Variants in SYCP2L observed in about 807,000 individuals in gnomAD.
SYCP2L encodes the protein synaptonemal complex protein 2-like.
In SYCP2L, 98 loss-of-function variants were observed where a neutral mutation model predicts 125.8. That is an observed-to-expected ratio of 0.78 (90% confidence interval 0.66 to 0.92). SYCP2L has a LOEUF of 0.92. Ranked by LOEUF, SYCP2L falls within the 40% of genes least tolerant of loss-of-function variation. The pLI, the probability that SYCP2L is intolerant of heterozygous loss-of-function variation, is 0.00. For missense variants in SYCP2L, 842 were observed against 936.4 expected (o/e 0.90, Z 1.32); for synonymous variants, 317 against 325.4 (o/e 0.97, Z 0.28).
At chr6:10,911,192 A>G (rs1243441286) in intron 12 of SYCP2L, among the ~76,000 whole-genome samples, 1 of 152,128 alleles carries the variant, frequency 6.6e-6, no homozygotes, top group East Asian at 1.9e-4. Flanking sequence ...AGACTGGGGT[A>G]AAAAGGATGA....
chr6:10,967,847 G>C (rs1781707383), intron 29 of SYCP2L, among the ~76,000 whole-genome samples: 2 of 152,114 alleles, frequency 1.3e-5, no homozygotes, highest in Admixed American at 1.3e-4. Context: ...GCCCTTTTGA[G>C]GTTTGTAATG....
chr6:10,960,610 G>C (rs1781577220), intron 26 of SYCP2L, among the ~76,000 whole-genome samples: 1 of 152,200 alleles, frequency 6.6e-6, no homozygotes, highest in African/African-American at 2.4e-5. Flanking sequence ...TGTGGGAAAA[G>C]AGTGTATTAG....
chr6:10,907,353 CAA>C (rs59459507), intron 9 of SYCP2L, among the ~76,000 whole-genome samples, 187 bp from the exon 10 acceptor site: 2 of 139,056 alleles, frequency 1.4e-5, no homozygotes, highest in African/African-American at 2.6e-5. Flanking sequence ...GAGACAATCT[CAA>C]AAAAAAAAAA....
intron 29 of SYCP2L, among the ~76,000 whole-genome samples, chr6:10,966,633 T>G: frequency 6.6e-6 from 1 of 152,310 alleles, no homozygotes; most frequent in South Asian, 2.1e-4. Context: ...AAAAGTAGAT[T>G]GAACATGATT....
At position 10,930,486 on chromosome 6, in the gene SYCP2L, G is replaced by C; in HGVS notation, c.1605G>C (p.Lys535Asn). 1 of 1,612,884 alleles carries C rather than the reference G, an allele frequency of 6.2e-7. No individual in the cohort carries two copies. The highest frequency in any genetic ancestry group is 1.3e-5 in the African/African-American group (1 of 75,008). The change falls in exon 19 of 30, where the codon AAG (lysine) becomes AAC (asparagine). Residue 535 changes from lysine to asparagine, a missense_variant. By Grantham distance (94) the Lys-to-Asn change is moderately conservative (BLOSUM62 0). Coordinates refer to ENST00000283141, the MANE Select transcript of SYCP2L (RefSeq NM_001040274.3). ...CCCTAAAATCATATTCCAGTAGAAA[G>C]AAGACAAGAACCAGAAGTAATTTGA... is the stretch of plus-strand genomic sequence containing the variant. ...KKSLKSYSSR[K>N]KTRTRSNLRI...
chr6:10,951,845 T>C (rs774477339), intron 23 of SYCP2L, among the ~76,000 whole-genome samples: 1 of 152,224 alleles, frequency 6.6e-6, no homozygotes, highest in South Asian at 2.1e-4. Context: ...CATTAAACAT[T>C]GTTTTTAACA....
chr6:10,892,887 A>G (rs946351), intron 2 of SYCP2L, among the ~76,000 whole-genome samples: 30,690 of 152,120 alleles, frequency 0.2, 3,172 homozygotes, highest in East Asian at 0.34. Flanking sequence ...TGTGGGCTGT[A>G]TATAGTAAAT....
intron 29 of SYCP2L, among the ~76,000 whole-genome samples, chr6:10,973,017 A>T (rs1275169526): frequency 6.6e-6 from 1 of 152,226 alleles, no homozygotes; most frequent in East Asian, 1.9e-4. Context: ...TAATAAGGAA[A>T]CAGGGGAGAA....
Position 10,926,424 on chromosome 6 carries a change from G to C in SYCP2L, c.1304G>C (p.Arg435Thr), listed in dbSNP as rs748789537. The C allele has an allele frequency of 6.2e-7, 1 of 1,611,170 alleles. No individual in the cohort carries two copies. ...AGGGAGAGTCCCAGTGGCCTTGAAA[G>C]AGAAACAGGTATATTGGGAAATAAC... ...EDRESPSGLE[R>T]ETEQAEESTN... The change falls in exon 16 of 30, where the codon AGA becomes ACA. Residue 435 changes from arginine to threonine, a missense_variant. Transcript: ENST00000283141.
At chr6:10,949,853 A>G (rs186186568) in intron 23 of SYCP2L, among the ~76,000 whole-genome samples, 102 of 151,982 alleles carry the variant, frequency 6.7e-4, no homozygotes, top group African/African-American at 2.3e-3. Flanking sequence ...AATAGGAGCA[A>G]TTAATCCATT....
chr6:10,938,148 A>G (rs1237068409), intron 21 of SYCP2L, among the ~76,000 whole-genome samples: 4 of 152,198 alleles, frequency 2.6e-5, no homozygotes, highest in Non-Finnish European at 5.9e-5. Context: ...ATGAACGTAT[A>G]TGTAAAAACC....
At position 10,939,888 on chromosome 6, in the gene SYCP2L, A is replaced by G. The variant is rs77395805; in HGVS notation, c.1814-2571A>G. On this transcript the variant is annotated intron_variant, in intron 21 of 29. Transcript: ENST00000283141. Reference sequence around the variant, plus strand: ...AATCTTGTGCACAGCAAAGAAAGCAATCAATCAAATGGAAAGACAACCTAA... The same window carrying G: ...AATCTTGTGCACAGCAAAGAAAGCAGTCAATCAAATGGAAAGACAACCTAA... Among the ~76,000 whole-genome samples the G allele has an allele frequency of 7.3e-3, 1,118 of 152,332 alleles. 38 individuals carry two copies. The highest frequency in any genetic ancestry group is 0.055 in the Admixed American group (846 of 15,294).
chr6:10,971,959 A>T (rs961982694), intron 29 of SYCP2L, among the ~76,000 whole-genome samples: 1 of 152,194 alleles, frequency 6.6e-6, no homozygotes, highest in Non-Finnish European at 1.5e-5. Context: ...TACAGGCATA[A>T]GCCACTGCGC....
Position 10,969,565 on chromosome 6 carries a change from C to T in SYCP2L, c.*38-4387C>T, listed in dbSNP as rs553195971. Among the ~76,000 whole-genome samples, 21 of 151,812 alleles carry T rather than the reference C, an allele frequency of 1.4e-4. No individual in the cohort carries two copies. The South Asian group carries it at 2.7e-3, about 20-fold the overall frequency. ...ATTTTTAGTAGAGACGGGGTTTCAC[C>T]GTTTTAGCCAGGATGGTCTCGATCT... is the stretch of plus-strand genomic sequence containing the variant. On this transcript the variant is annotated intron_variant, in intron 29 of 29. Transcript: ENST00000283141.
chr6:10,917,827 T>G lies in SYCP2L; in HGVS notation c.1072+4900T>G, dbSNP rs113165446. ...TTAGAGCTCCTTTTAGCAGTTCTTG[T>G]AGTGGTGGCTTGGTAGTGGCAAATT... On this transcript the variant is annotated intron_variant, in intron 14 of 29. Transcript: ENST00000283141. Among the ~76,000 whole-genome samples, 376 of 152,320 alleles carry G rather than the reference T, an allele frequency of 2.5e-3. 3 individuals carry two copies. Among genetic ancestry groups the G allele is most frequent in the African/African-American group, 8.5e-3 (354 of 41,580 alleles).
At chr6:10,887,484 A>G (rs1780094298) in intron 1 of SYCP2L, among the ~76,000 whole-genome samples, 1 of 152,202 alleles carries the variant, frequency 6.6e-6, no homozygotes, top group South Asian at 2.1e-4. Flanking sequence ...AAAGTGCAGA[A>G]GTGTTAAGCA....
chr6:10,887,692 T>C (rs920259649), intron 1 of SYCP2L, among the ~76,000 whole-genome samples: 39 of 152,248 alleles, frequency 2.6e-4, no homozygotes, highest in African/African-American at 8.9e-4. Context: ...GTGGTAGAAA[T>C]TCTGATGTAA....
At chr6:10,916,511 G>A (rs6901646) in intron 14 of SYCP2L, among the ~76,000 whole-genome samples, 55,215 of 151,966 alleles carry the variant, frequency 0.36, 10,668 homozygotes, top group East Asian at 0.54. Flanking sequence ...GTTTTGATAG[G>A]TTGTGTCACT....
At chr6:10,897,410 CTT>C (rs5874295) in intron 4 of SYCP2L, among the ~76,000 whole-genome samples, 5,438 of 129,810 alleles carry the variant, frequency 0.042, 144 homozygotes, top group African/African-American at 0.087. Flanking sequence ...TCACTTATCT[CTT>C]TTTTTTTTTT....
Sources: allele counts gnomAD v4.1 joint callset (sites outside exome capture counted in the v4.1 genomes callset), GRCh38; gene constraint gnomAD v4.1.1; transcripts MANE v1.5; gene names NCBI Gene and HGNC (gene_info 2026-07-23, HGNC 2026-07-21).